Variants in MGAT5B observed in about 807,000 individuals in gnomAD.
MGAT5B encodes the protein N-acetylglucosaminyl-transferase Vb.
Under a neutral mutation model 95.1 loss-of-function variants are expected in MGAT5B, and 54 were observed. That is an observed-to-expected ratio of 0.57 (90% confidence interval 0.46 to 0.71). The LOEUF is 0.71. Among genes scored for constraint, MGAT5B ranks in the 30% least tolerant of loss-of-function variants. The pLI is 0.00. For missense variants in MGAT5B, 935 were observed against 1,088.6 expected (o/e 0.86, Z 1.99); for synonymous variants, 464 against 451.0 (o/e 1.03, Z -0.36).
chr17:76,876,460 A>G lies in MGAT5B; in HGVS notation c.181+3497A>G, dbSNP rs947431643. On this transcript the variant is annotated intron_variant, in intron 2 of 17. Transcript: ENST00000569840. ...AACCCTCTAAGGCCCTGCTATTTAG[A>G]AAAAAAAAAAAAAAATTGCATTGGT... 1.6e-4 allele frequency among the ~76,000 whole-genome samples: 14 copies of G among 90,190 alleles called. 1 individual carries two copies. The highest frequency in any genetic ancestry group is 6.9e-4 in the African/African-American group (13 of 18,930). 59.2% of individuals were successfully genotyped at this position (90,190 alleles called of 152,430 possible).
At chr17:76,946,184 G>A (rs1415168271) in intron 15 of MGAT5B, 192 bp from the exon 16 acceptor site, 15 of 519,526 alleles carry the variant, frequency 2.9e-5, no homozygotes, top group Non-Finnish European at 4.4e-5. Flanking sequence ...GTCCCGGAGG[G>A]CTACTGGAGG....
chr17:76,891,632 G>A (rs1012856434), intron 3 of MGAT5B, among the ~76,000 whole-genome samples: 5 of 152,334 alleles, frequency 3.3e-5, no homozygotes, highest in East Asian at 3.9e-4. Flanking sequence ...TGCCCGCCTC[G>A]GCCTCCCAGA....
intron 2 of MGAT5B, among the ~76,000 whole-genome samples, chr17:76,880,894 C>T (rs1005506044): frequency 6.6e-6 from 1 of 152,206 alleles, no homozygotes; most frequent in Non-Finnish European, 1.5e-5. Flanking sequence ...ACTACTCACC[C>T]TCAAACCCTT....
chr17:76,914,788 C>T lies in MGAT5B; in HGVS notation c.1025+8601C>T, dbSNP rs1968868979. On this transcript the variant is annotated intron_variant, in intron 8 of 17. Transcript: ENST00000569840. The surrounding 1 kb of genome is among the most constrained non-coding windows in gnomAD (Gnocchi z 5.1). Reference sequence around the variant, plus strand: ...GAGTAGCTGGGACTACAGGAATGTGCCACCATGCCCAGCTAATTTTTGTAT... The same window carrying T: ...GAGTAGCTGGGACTACAGGAATGTGTCACCATGCCCAGCTAATTTTTGTAT... 6.6e-6 allele frequency among the ~76,000 whole-genome samples: 1 copy of T among 152,146 alleles called. No individual in the cohort carries two copies. Among genetic ancestry groups the T allele is most frequent in the Non-Finnish European group, 1.5e-5 (1 of 68,030 alleles).
intron 15 of MGAT5B, among the ~76,000 whole-genome samples, chr17:76,942,185 C>T (rs1166791202): frequency 6.6e-6 from 1 of 152,188 alleles, no homozygotes; most frequent in Non-Finnish European, 1.5e-5. Flanking sequence ...GCAGTGTTGT[C>T]CCCTGTCCTG....
chr17:76,890,789 C>T (rs1967834588), intron 3 of MGAT5B, among the ~76,000 whole-genome samples: 1 of 152,090 alleles, frequency 6.6e-6, no homozygotes, highest in East Asian at 1.9e-4. Context: ...AGGTGTGAGT[C>T]ACCGTGCCCG....
At chr17:76,904,570 C>A (rs182100297) in intron 6 of MGAT5B, 148 bp downstream of exon 6, 1 of 911,816 alleles carries the variant, frequency 1.1e-6, no homozygotes, top group Non-Finnish European at 1.6e-6. Flanking sequence ...ACCGGGCAGA[C>A]GGGAGGCCAG....
At chr17:76,939,765 T>C (rs564826443) in intron 13 of MGAT5B, among the ~76,000 whole-genome samples, 161 of 152,196 alleles carry the variant, frequency 1.1e-3, no homozygotes, top group Non-Finnish European at 2.0e-3. Context: ...TAAGTGAGAA[T>C]ATGCGGTATT....
At chr17:76,928,013 C>T (rs563703849) in intron 10 of MGAT5B, among the ~76,000 whole-genome samples, 19 of 152,130 alleles carry the variant, frequency 1.2e-4, no homozygotes, top group African/African-American at 3.9e-4. Flanking sequence ...TTTTCTGATT[C>T]TCTAGACTCT....
In MGAT5B at chr17:76,869,043, A is replaced by G; in HGVS notation, c.14A>G (p.Asn5Ser). Residue 5 changes from asparagine (N) to serine (S), a missense_variant, in exon 1 of 18, where the codon AAC (asparagine) becomes AGC (serine). By Grantham distance (46) the Asn-to-Ser change is conservative. Transcript: ENST00000569840. The surrounding 1 kb of genome is among the most constrained non-coding windows in gnomAD (Gnocchi z 7.0). MITVNPDGKIMVRRC... is the reference protein window; with the variant it reads MITVSPDGKIMVRRC... ...CAAGTTTGAACAATGATCACCGTCA[A>G]CCCCGATGGGAAGATAATGGTCAGA... The G allele has an allele frequency of 1.2e-6, 2 of 1,614,000 alleles. No homozygotes were observed. The highest frequency in any genetic ancestry group is 1.7e-6 in the Non-Finnish European group (2 of 1,179,928).
rs760335648 is a variant in MGAT5B, at chr17:76,932,776, G to A, written c.1422+1G>A. On this transcript the variant is annotated splice_donor_variant, in intron 11 of 17. Transcript: ENST00000569840. LOFTEE classifies it high-confidence loss of function. ...CGGCAAGGAGGCGAGCATCTGGAAG[G>A]TGAGCGCGGCCCCTGCGCGCGGGAA... 6.2e-7 allele frequency: 1 copy of A among 1,613,428 alleles called. No individual in the cohort carries two copies. Among genetic ancestry groups the A allele is most frequent in the South Asian group, 1.1e-5 (1 of 91,066 alleles).
chr17:76,870,497 C>T lies in MGAT5B; in HGVS notation c.68+1400C>T, dbSNP rs557474484. On this transcript the variant is annotated intron_variant, in intron 1 of 17. Transcript: ENST00000569840. This position sits in a 1 kb window ranked among gnomAD's most constrained non-coding sequence, Gnocchi z 5.0. ...CGCCCCTTCCGACCCCATCCCTGTCCCGCCCTCCGGGCCGCTGGGTGTTTC... is the reference window on the plus strand; with the variant it reads ...CGCCCCTTCCGACCCCATCCCTGTCTCGCCCTCCGGGCCGCTGGGTGTTTC... 5.5e-4 allele frequency among the ~76,000 whole-genome samples: 84 copies of T among 152,316 alleles called. No individual in the cohort carries two copies. The highest frequency in any genetic ancestry group is 2.0e-3 in the African/African-American group (82 of 41,584).
Position 76,940,585 on chromosome 17 carries a change from G to A in MGAT5B, c.1731+37G>A, listed in dbSNP as rs1309840399. On this transcript the variant is annotated intron_variant, in intron 14 of 17. Coordinates refer to ENST00000569840, the MANE Select transcript of MGAT5B (RefSeq NM_001199172.2). The surrounding 1 kb of genome is among the most constrained non-coding windows in gnomAD (Gnocchi z 4.3). ...GCATCCTGGTCCCCGATCAGGAGGG[G>A]CCGGGACAGAGACCCCTGCAGGTCC... is the stretch of plus-strand genomic sequence containing the variant. The A allele has an allele frequency of 1.3e-6, 2 of 1,592,532 alleles. No homozygotes were observed. Among genetic ancestry groups the A allele is most frequent in the Non-Finnish European group, 1.7e-6 (2 of 1,166,156 alleles).
At position 76,872,962 on chromosome 17, in the gene MGAT5B, A is replaced by C. The variant is rs1240301900; in HGVS notation, c.180A>C (p.Glu60Asp). Residue 60 changes from glutamate to aspartate, a missense_variant and splice_region_variant, in exon 2 of 18, where the codon GAA becomes GAC. Around this residue, in one of 4 missense-constraint regions of MGAT5B, gnomAD observed 243 missense variants for 228.2 expected, o/e 1.06. Coordinates refer to ENST00000569840, the MANE Select transcript of MGAT5B (RefSeq NM_001199172.2). ...LGDSPFTIRT[E>D]VMGGPESRGV... ...ACTCGCCATTCACCATCCGCACAGA[A>C]GGTACCTTGGTGGGGCAAGGGGAGT... 6.2e-7 allele frequency: 1 copy of C among 1,613,632 alleles called. No individual in the cohort carries two copies. Among genetic ancestry groups the C allele is most frequent in the Admixed American group, 1.7e-5 (1 of 60,024 alleles).
chr17:76,882,088 G>T, intron 2 of MGAT5B, 63 bp from the exon 3 acceptor site: 1 of 1,528,120 alleles, frequency 6.5e-7, no homozygotes, highest in South Asian at 1.3e-5. Context: ...GCCCCAGCTC[G>T]GACACCAGGT....
rs527408348 is a variant in MGAT5B at position 76,925,713 on chromosome 17, C to G, written c.1157+616C>G. Among the ~76,000 whole-genome samples the G allele has an allele frequency of 2.6e-5, 4 of 152,330 alleles. No homozygotes were observed. The East Asian group carries it at 7.7e-4, about 29-fold the overall frequency. ...GCGAGTTCTCTATGCACTCGGCTCT[C>G]TCCTCCCACCCCGGGCCTCTTCCCT... On this transcript the variant is annotated intron_variant, in intron 9 of 17. Transcript: ENST00000569840.
chr17:76,922,096 T>G (rs1273898234), intron 8 of MGAT5B, among the ~76,000 whole-genome samples: 4 of 152,144 alleles, frequency 2.6e-5, no homozygotes, highest in African/African-American at 9.7e-5. Context: ...GGCCCTGGTG[T>G]CTGGGACTAG....
intron 10 of MGAT5B, among the ~76,000 whole-genome samples, chr17:76,926,999 T>C (rs991138893): frequency 1.3e-5 from 2 of 152,100 alleles, no homozygotes; most frequent in Non-Finnish European, 2.9e-5. Context: ...GCCTTCACCC[T>C]CCAGGAGGGA....
At chr17:76,873,971 C>G (rs1338885395) in intron 2 of MGAT5B, among the ~76,000 whole-genome samples, 1 of 152,182 alleles carries the variant, frequency 6.6e-6, no homozygotes, top group Non-Finnish European at 1.5e-5. Context: ...AGGTTGTCAT[C>G]TGGGTGGGTG....
Sources: allele counts gnomAD v4.1 joint callset (sites outside exome capture counted in the v4.1 genomes callset), GRCh38; gene constraint gnomAD v4.1.1; regional missense constraint gnomAD v4.1.1; non-coding constraint Gnocchi (gnomAD v3.1); transcripts MANE v1.5; gene names NCBI Gene and HGNC (gene_info 2026-07-23, HGNC 2026-07-21).